WIF1: variants seen among roughly 807,000 people sequenced by gnomAD.
The protein encoded by WIF1 is Wnt inhibitory factor 1.
A neutral mutation model predicts 53.5 loss-of-function variants in WIF1; 35 were observed. That is an observed-to-expected ratio of 0.65 (90% CI 0.50 to 0.87). WIF1 has a LOEUF of 0.87. Ranked by LOEUF, WIF1 falls within the 40% of genes least tolerant of loss-of-function variation. The probability of loss-of-function intolerance (pLI) is 0.00; values close to 1 mark genes in which losing one functional copy is unlikely to be tolerated. For synonymous variants in WIF1, 171 were observed against 170.4 expected (o/e 1.00, Z -0.03); for missense variants, 467 against 476.8 (o/e 0.98, Z 0.19).
chr12:65,083,174 C>T (rs1181401620), intron 2 of WIF1, among the ~76,000 whole-genome samples: 2 of 152,094 alleles, frequency 1.3e-5, no homozygotes, highest in Non-Finnish European at 1.5e-5. Flanking sequence ...ACTGTGAATT[C>T]AGATTAGCAG....
At chr12:65,057,673 C>G (rs1175772674) in intron 7 of WIF1, among the ~76,000 whole-genome samples, 2 of 152,246 alleles carry the variant, frequency 1.3e-5, no homozygotes, top group Admixed American at 6.5e-5. Context: ...ATTACAAAGG[C>G]TTCTAGGTAC....
chr12:65,074,774 C>A (rs1882832623), intron 3 of WIF1, among the ~76,000 whole-genome samples: 1 of 135,454 alleles, frequency 7.4e-6, no homozygotes, highest in Non-Finnish European at 1.5e-5. Context: ...TTGAGACCCG[C>A]ACCACTGCAC....
intron 2 of WIF1, among the ~76,000 whole-genome samples, chr12:65,084,730 C>G (rs61924763): frequency 0.2 from 29,860 of 152,084 alleles, 3,227 homozygotes; most frequent in Non-Finnish European, 0.25. Flanking sequence ...GAGAGGCATC[C>G]AGAAGTGTAA....
At chr12:65,060,701 C>T (rs1361440434) in intron 7 of WIF1, among the ~76,000 whole-genome samples, 1 of 152,112 alleles carries the variant, frequency 6.6e-6, no homozygotes, top group Non-Finnish European at 1.5e-5. Flanking sequence ...TGACTTATAT[C>T]TTAATTAAAA....
intron 2 of WIF1, among the ~76,000 whole-genome samples, chr12:65,106,375 T>TATA (rs1565760005): frequency 6.7e-6 from 1 of 149,120 alleles, no homozygotes; most frequent in African/African-American, 2.5e-5. Context: ...ATATATATAT[T>TATA]TTTTTTTATT....
chr12:65,060,025 A>AG (rs1010607439), intron 7 of WIF1, among the ~76,000 whole-genome samples: 1 of 151,510 alleles, frequency 6.6e-6, no homozygotes, highest in Admixed American at 6.6e-5. Context: ...ATTTCATTTA[A>AG]AAAAAAAACA....
chr12:65,055,031 T>G, intron 9 of WIF1, 87 bp downstream of exon 9: 2 of 1,373,276 alleles, frequency 1.5e-6, no homozygotes, highest in Non-Finnish European at 1.0e-6. Flanking sequence ...GAAACCGAAG[T>G]GAAAAGGCTG....
chr12:65,077,936 G>T, intron 2 of WIF1, 82 bp from the exon 3 acceptor site: 1 of 1,050,924 alleles, frequency 9.5e-7, no homozygotes, highest in Non-Finnish European at 1.4e-6. Context: ...CCATCTGATG[G>T]GGCAGAGATA....
chr12:65,113,706 C>G (rs1166304230), intron 2 of WIF1, among the ~76,000 whole-genome samples: 1 of 152,128 alleles, frequency 6.6e-6, no homozygotes, highest in Admixed American at 6.5e-5. Context: ...GAAATGGGCT[C>G]TCTGCAGAAT....
chr12:65,060,171 C>T (rs889971), intron 7 of WIF1, among the ~76,000 whole-genome samples: 22,660 of 152,132 alleles, frequency 0.15, 2,238 homozygotes, highest in African/African-American at 0.27. Flanking sequence ...GTTGTCACCA[C>T]GTGACCCAGC....
intron 2 of WIF1, among the ~76,000 whole-genome samples, chr12:65,114,543 T>C (rs1297167069): frequency 6.6e-6 from 1 of 152,206 alleles, no homozygotes; most frequent in African/African-American, 2.4e-5. Flanking sequence ...TTTAAATTAT[T>C]GTTGTTGTTA....
chr12:65,096,899 GAC>G (rs1883212710), intron 2 of WIF1, among the ~76,000 whole-genome samples: 1 of 151,828 alleles, frequency 6.6e-6, no homozygotes, highest in South Asian at 2.1e-4. Flanking sequence ...AACATTAGGA[GAC>G]ACCTAATGCA....
chr12:65,120,335 A>G, intron 2 of WIF1, 82 bp downstream of exon 2: 1 of 1,349,824 alleles, frequency 7.4e-7, no homozygotes, highest in Non-Finnish European at 9.8e-7. Flanking sequence ...TGTAAAATGT[A>G]CCAGGCTACA....
intron 2 of WIF1, among the ~76,000 whole-genome samples, chr12:65,097,199 G>A (rs1404592910): frequency 6.6e-6 from 1 of 151,424 alleles, no homozygotes; most frequent in Non-Finnish European, 1.5e-5. Context: ...TTATACACCA[G>A]TCAGTATCAA....
At chr12:65,117,545 G>C (rs1401623576) in intron 2 of WIF1, among the ~76,000 whole-genome samples, 1 of 152,148 alleles carries the variant, frequency 6.6e-6, no homozygotes, top group Admixed American at 6.5e-5. Context: ...GGACCGGGCG[G>C]TGGAGGAATA....
At chr12:65,072,107 G>T (rs939323350) in intron 3 of WIF1, among the ~76,000 whole-genome samples, 3 of 151,870 alleles carry the variant, frequency 2.0e-5, no homozygotes, top group Non-Finnish European at 4.4e-5. Flanking sequence ...AAAGAATTTT[G>T]CTTTAAAAAA....
Position 65,121,279 on chromosome 12 carries a change from C to G in WIF1, c.-88G>C, listed in dbSNP as rs1316504544. ...CGTCAGATACTCTGCTGCGCTGCAG[C>G]TCCCTCAGCCAGGGCTGTTCCCGTT... On this transcript the variant is annotated 5_prime_UTR_variant, in exon 1 of 10. Coordinates refer to ENST00000286574, the MANE Select transcript of WIF1 (RefSeq NM_007191.5). 7.5e-7 allele frequency: 1 copy of G among 1,333,224 alleles called. No individual in the cohort carries two copies. The highest frequency in any genetic ancestry group is 1.5e-5 in the African/African-American group (1 of 66,032). 82.6% of individuals were successfully genotyped at this position (1,333,224 alleles called of 1,614,324 possible).
Position 65,077,751 on chromosome 12 carries a change from G to A in WIF1, c.392C>T (p.Ala131Val), listed in dbSNP as rs1882885851. ...TTCAGGCAAAGACCACCCACCTGAT[G>A]CCTTGTGAGGCACTGTTCCCAGCAG... ...VPLLGTVPHKASVVQVGFPCL... is the reference protein window; with the variant it reads ...VPLLGTVPHKVSVVQVGFPCL... The change falls in exon 3 of 10, where the codon GCA (alanine) becomes GTA (valine). Residue 131 changes from alanine to valine, a missense_variant. Transcript: ENST00000286574. 1 of 1,611,902 alleles carries A rather than the reference G, an allele frequency of 6.2e-7. No individual in the cohort carries two copies. Among genetic ancestry groups the A allele is most frequent in the Non-Finnish European group, 8.5e-7 (1 of 1,178,244 alleles).
chr12:65,120,742 G>A (rs1000274666), intron 1 of WIF1, 186 bp from the exon 2 acceptor site: 5 of 835,778 alleles, frequency 6.0e-6, no homozygotes, highest in African/African-American at 3.4e-5. Flanking sequence ...GATGCCAACA[G>A]ACCCATGCTT....
Sources: gnomAD v4.1 joint callset for allele counts (sites outside exome capture counted in the v4.1 genomes callset) on GRCh38, gnomAD v4.1.1 for gene constraint, MANE v1.5 for transcripts, NCBI Gene and HGNC (gene_info 2026-07-23, HGNC 2026-07-21) for gene names.